The following TNK2 variants were observed in gnomAD, a reference collection of about 807,000 sequenced individuals.
TNK2 encodes tyrosine kinase non receptor 2, also known as activated CDC42 kinase 1.
In TNK2, 83 loss-of-function variants were observed where a neutral mutation model predicts 101.8. The observed-to-expected ratio is 0.82, with a 90% CI of 0.68 to 0.98. The LOEUF is 0.98. Among genes scored for constraint, TNK2 ranks in the 50% least tolerant of loss-of-function variants. TNK2 has a pLI of 0.00. For missense variants in TNK2, 1,665 were observed against 1,483.2 expected, an observed-to-expected ratio of 1.12 and a Z score of -2.01; for synonymous variants, 804 against 633.0, an observed-to-expected ratio of 1.27 and a Z score of -4.06.
rs1041708109 is a variant in TNK2, at chr3:195,888,983, G to A, written c.-18-377C>T. 1.3e-5 allele frequency among the ~76,000 whole-genome samples: 2 copies of A among 152,078 alleles called. No individual in the cohort carries two copies. The highest frequency in any genetic ancestry group is 2.1e-4 in the South Asian group (1 of 4,824). On this transcript the variant is annotated intron_variant, in intron 1 of 15. Transcript: ENST00000672887. This position sits in a 1 kb window ranked among gnomAD's most constrained non-coding sequence, Gnocchi z 5.3. Reference sequence around the variant, plus strand: ...CAGTGGTCTCTCCGGGAACACCGACGTGTTCTTACTCCTAATATTTGATAA... The same window carrying A: ...CAGTGGTCTCTCCGGGAACACCGACATGTTCTTACTCCTAATATTTGATAA...
intron 9 of TNK2, among the ~76,000 whole-genome samples, chr3:195,873,253 T>A (rs1024975417): frequency 6.6e-6 from 1 of 152,120 alleles, no homozygotes; most frequent in Non-Finnish European, 1.5e-5. Context: ...TGATGTGGCC[T>A]AAGCCGGGGC....
At chr3:195,884,541 G>A in intron 4 of TNK2, 1 of 405,418 alleles carries the variant, frequency 2.5e-6, no homozygotes, top group Non-Finnish European at 4.4e-6. Flanking sequence ...TACTCAGGAG[G>A]CTGAGGCAGG....
At chr3:195,892,953 C>CT (rs1759202415) in intron 1 of TNK2, among the ~76,000 whole-genome samples, 1 of 152,008 alleles carries the variant, frequency 6.6e-6, no homozygotes, top group Non-Finnish European at 1.5e-5. Context: ...GCTGGCCCCC[C>CT]TGCCTCCCCA....
At chr3:195,883,481 T>A in intron 4 of TNK2, 172 bp from the exon 5 acceptor site, 1 of 721,504 alleles carries the variant, frequency 1.4e-6, no homozygotes, top group Non-Finnish European at 2.2e-6. Flanking sequence ...GAGGCCTGGC[T>A]GGAGAAGGGC....
intron 9 of TNK2, among the ~76,000 whole-genome samples, chr3:195,876,156 C>T (rs1163056984): frequency 1.3e-5 from 2 of 152,188 alleles, no homozygotes; most frequent in Non-Finnish European, 2.9e-5. Flanking sequence ...GCCAGCCACC[C>T]CTTCCTCCAA....
At chr3:195,904,784 T>C (rs979062246) in intron 1 of TNK2, among the ~76,000 whole-genome samples, 2 of 152,212 alleles carry the variant, frequency 1.3e-5, no homozygotes, top group African/African-American at 4.8e-5. Context: ...TTTAAGGATA[T>C]GTTCAATAAA....
chr3:195,900,862 G>A (rs1222593648), intron 1 of TNK2, among the ~76,000 whole-genome samples: 4 of 152,196 alleles, frequency 2.6e-5, no homozygotes, highest in African/African-American at 9.6e-5. Context: ...TGCCCGGCTC[G>A]TCATCCTGCC....
intron 10 of TNK2, among the ~76,000 whole-genome samples, chr3:195,871,537 A>AGG (rs1400109588): frequency 6.6e-6 from 1 of 152,140 alleles, no homozygotes; most frequent in African/African-American, 2.4e-5. Context: ...ACAGGGTCAC[A>AGG]GGGTCACAGG....
chr3:195,896,953 G>C (rs551841254), intron 1 of TNK2, among the ~76,000 whole-genome samples: 1 of 152,112 alleles, frequency 6.6e-6, no homozygotes, highest in Non-Finnish European at 1.5e-5. Flanking sequence ...CGGCCAAGAG[G>C]ATTTTTCCAA....
chr3:195,864,028 C>A lies in TNK2; in HGVS notation c.*153G>T. 9.7e-7 allele frequency: 1 copy of A among 1,028,316 alleles called. No individual in the cohort carries two copies. The highest frequency in any genetic ancestry group is 1.5e-6 in the Non-Finnish European group (1 of 685,328). The allele number at this position is 1,028,316 out of a possible 1,614,324, so 63.7% of individuals were successfully genotyped here. A position where few individuals can be genotyped will look rare whatever the true frequency, so the allele number is the denominator to read the frequency against. Reference sequence around the variant, plus strand: ...CAGGAGGGATGGGCAGGGCAGGGCTCCCAGCCTCCCGCAGCCTTGGCCTTG... The same window carrying A: ...CAGGAGGGATGGGCAGGGCAGGGCTACCAGCCTCCCGCAGCCTTGGCCTTG... On this transcript the variant is annotated 3_prime_UTR_variant, in exon 16 of 16. Coordinates refer to ENST00000672887, the MANE Select transcript of TNK2 (RefSeq NM_001382273.1).
chr3:195,867,083 G>T, intron 14 of TNK2, 67 bp from the exon 15 acceptor site: 1 of 1,608,004 alleles, frequency 6.2e-7, no homozygotes, highest in Non-Finnish European at 8.5e-7. Context: ...GAAGAGGGGA[G>T]TCGGAGCCAG....
intron 9 of TNK2, among the ~76,000 whole-genome samples, chr3:195,873,194 G>C (rs995667627): frequency 6.6e-6 from 1 of 152,182 alleles, no homozygotes; most frequent in African/African-American, 2.4e-5. Flanking sequence ...ACAGTGACCA[G>C]ACAGTAGGGC....
chr3:195,864,699 A>G (rs1208410738), intron 15 of TNK2, among the ~76,000 whole-genome samples: 18 of 111,042 alleles, frequency 1.6e-4, no homozygotes, highest in South Asian at 6.7e-4. Flanking sequence ...TGCGTCCCAG[A>G]TGCAAATCAG....
rs781714123 is a variant in TNK2 at position 195,868,539 on chromosome 3, C to G, written c.1759G>C (p.Asp587His). ...GGGACCACGGGCTCCTCACCGAAGT[C>G]GATGAGCGTGACCTCAGCCCCGCTG... ...RGSGAEVTLI[D>H]FGEEPVVPAL... is the part of the protein sequence containing the mutation. The change falls in exon 13 of 16, where the codon GAC becomes CAC. Residue 587 changes from aspartate to histidine, a missense_variant. Coordinates refer to ENST00000672887, the MANE Select transcript of TNK2 (RefSeq NM_001382273.1). 2 of 1,566,910 alleles carry G rather than the reference C, an allele frequency of 1.3e-6. No homozygotes were observed. Among genetic ancestry groups the G allele is most frequent in the Non-Finnish European group, 8.6e-7 (1 of 1,165,184 alleles).
chr3:195,867,278 C>A lies in TNK2; in HGVS notation c.2938-14G>T. The A allele has an allele frequency of 6.2e-7, 1 of 1,607,296 alleles. No individual in the cohort carries two copies. Among genetic ancestry groups the A allele is most frequent in the Non-Finnish European group, 8.5e-7 (1 of 1,176,090 alleles). ...CATGGCCTGCAGCTGGGCACACCCA[C>A]CCCTGTCAGCACCACTAGGGCCCAC... On this transcript the variant is annotated splice_polypyrimidine_tract_variant and intron_variant, in intron 13 of 15. Coordinates refer to ENST00000672887, the MANE Select transcript of TNK2 (RefSeq NM_001382273.1).
intron 4 of TNK2, chr3:195,883,790 T>G (rs558895171): frequency 6.4e-6 from 1 of 156,518 alleles, no homozygotes; most frequent in East Asian, 1.8e-4. Flanking sequence ...AATTTTGTAT[T>G]TTTAGTAGAG....
In TNK2 at chr3:195,886,771, G is replaced by A. The variant is rs950542682; in HGVS notation, c.234+206C>T. Among the ~76,000 whole-genome samples the A allele has an allele frequency of 6.6e-6, 1 of 152,204 alleles. No homozygotes were observed. The highest frequency in any genetic ancestry group is 1.5e-5 in the Non-Finnish European group (1 of 68,036). On this transcript the variant is annotated intron_variant, in intron 3 of 15. Transcript: ENST00000672887. This position sits in a 1 kb window ranked among gnomAD's most constrained non-coding sequence, Gnocchi z 4.2. Reference sequence around the variant, plus strand: ...CCGCACACAGGCTGCTCACGTGTCCGTATCTGGCGGAGACAGACACTTAGC... The same window carrying A: ...CCGCACACAGGCTGCTCACGTGTCCATATCTGGCGGAGACAGACACTTAGC...
Position 195,884,868 on chromosome 3 carries a change from C to T in TNK2, c.400G>A (p.Asp134Asn), listed in dbSNP as rs1754895430. The T allele has an allele frequency of 1.2e-6, 2 of 1,613,800 alleles. No individual in the cohort carries two copies. The highest frequency in any genetic ancestry group is 1.7e-6 in the Non-Finnish European group (2 of 1,179,996). The change falls in exon 4 of 16, where the codon GAT becomes AAT. Residue 134 changes from aspartate (D) to asparagine (N), a missense_variant. Physicochemically the swap from Asp to Asn is conservative, Grantham distance 23. Coordinates refer to ENST00000672887, the MANE Select transcript of TNK2 (RefSeq NM_001382273.1). ...CTGCGCACCACGCCAAAGGAACCATCACCCAGCTTCTCCAGGAGGCGCAGG... is the reference window on the plus strand; with the variant it reads ...CTGCGCACCACGCCAAAGGAACCATTACCCAGCTTCTCCAGGAGGCGCAGG... ...KDLRLLEKLG[D>N]GSFGVVRRGE...
At chr3:195,890,900 G>A (rs1758154876) in intron 1 of TNK2, among the ~76,000 whole-genome samples, 1 of 152,210 alleles carries the variant, frequency 6.6e-6, no homozygotes, top group Admixed American at 6.5e-5. Flanking sequence ...AGCACTTGCA[G>A]ATGCTGCCTT....
Sources: gnomAD v4.1 joint callset for allele counts (sites outside exome capture counted in the v4.1 genomes callset) on GRCh38, gnomAD v4.1.1 for gene constraint, Gnocchi (gnomAD v3.1) non-coding constraint, MANE v1.5 for transcripts, NCBI Gene and HGNC (gene_info 2026-07-23, HGNC 2026-07-21) for gene names.